KLHL35: variants seen among roughly 807,000 people sequenced by gnomAD.
KLHL35 encodes kelch like family member 35.
A neutral mutation model predicts 44.0 loss-of-function variants in KLHL35; 50 were observed. That is an observed-to-expected ratio of 1.14 (90% confidence interval 0.91 to 1.44). The LOEUF (loss-of-function observed/expected upper bound fraction) is 1.44. Among genes scored for constraint, KLHL35 ranks in the 40% most tolerant of loss-of-function variants. The pLI, the probability that KLHL35 is intolerant of heterozygous loss-of-function variation, is 0.00. For missense variants in KLHL35, 1,049 were observed against 887.8 expected (o/e 1.18, Z -2.31); for synonymous variants, 470 against 410.4 (o/e 1.15, Z -1.76).
intron 2 of KLHL35, among the ~76,000 whole-genome samples, chr11:75,429,542 AGT>A (rs1260457118): frequency 6.6e-6 from 1 of 152,214 alleles, no homozygotes; most frequent in East Asian, 1.9e-4. Flanking sequence ...GGCCAAAGAG[AGT>A]GTGCGCAGCT....
rs536280809 is a variant in KLHL35 at position 75,422,633 on chromosome 11, G to A, written c.1699C>T (p.Arg567Cys). ...GQVEVQPSLQ[R>C]CTSSHGCVTI... is the part of the protein sequence containing the mutation. ...ACACAGCCGTGGGAGCTGGTGCAGC[G>A]CTGCAGGGATGGCTGGACCTCCACC... is the stretch of plus-strand genomic sequence containing the variant. Residue 567 changes from arginine (R) to cysteine (C), a missense_variant, in exon 7 of 7, where the codon CGC becomes TGC. By Grantham distance (180) the Arg-to-Cys change is radical (BLOSUM62 -3). Transcript: ENST00000539798. 1.8e-5 allele frequency: 29 copies of A among 1,613,922 alleles called. No homozygotes were observed. Among genetic ancestry groups the A allele is most frequent in the South Asian group, 7.7e-5 (7 of 91,082 alleles).
At position 75,430,376 on chromosome 11, in the gene KLHL35, A is replaced by C. The variant is rs540633706; in HGVS notation, c.254T>G (p.Val85Gly). 112 of 1,353,964 alleles carry C rather than the reference A, an allele frequency of 8.3e-5. 2 individuals carry two copies. The South Asian group carries it at 1.2e-3, about 14-fold the overall frequency. The allele number at this position is 1,353,964 out of a possible 1,614,324, so 83.9% of individuals were successfully genotyped here. A position where few individuals can be genotyped will look rare whatever the true frequency, so the allele number is the denominator to read the frequency against. The change falls in exon 2 of 7, where the codon GTG becomes GGG. Residue 85 changes from valine to glycine, a missense_variant. Coordinates refer to ENST00000539798, the MANE Select transcript of KLHL35 (RefSeq NM_001039548.3). ...PERGPAVVPV[V>G]PVAPEAPGTS... ...GCCTGGCGCCTCGGGAGCTACTGGC[A>C]CCACTGGCACCACGGCCGGGCCGCG...
intron 3 of KLHL35, among the ~76,000 whole-genome samples, chr11:75,427,217 C>A (rs1177897388): frequency 1.3e-5 from 2 of 152,198 alleles, no homozygotes; most frequent in Admixed American, 6.5e-5. Flanking sequence ...GACTACATGG[C>A]CTTTTGTCAG....
chr11:75,426,075 C>A (rs976455588), intron 4 of KLHL35: 15 of 157,744 alleles, frequency 9.5e-5, no homozygotes, highest in Non-Finnish European at 1.5e-4. Context: ...CCTGCCTCAG[C>A]CTCCTGAGTA....
rs1332581037 is a variant in KLHL35, at chr11:75,430,261, C to T, written c.369G>A (p.Ala123=). 8.3e-7 allele frequency: 1 copy of T among 1,202,900 alleles called. No homozygotes were observed. The allele number at this position is 1,202,900 out of a possible 1,614,324, so 74.5% of individuals were successfully genotyped here. A position where few individuals can be genotyped will look rare whatever the true frequency, so the allele number is the denominator to read the frequency against. Residue 123 remains alanine (A), a synonymous_variant, in exon 2 of 7, where the codon GCG becomes GCA. Transcript: ENST00000539798. ...GCTCCGCCAGCGCCAGCACGGCCGC[C>T]GCCTCGTCCTCCGCGCGCAGCCGCA... is the stretch of plus-strand genomic sequence containing the variant. ...AGVRLRAEDE[A]AAVLALAERL...
At chr11:75,426,492 C>T (rs765712742) in intron 4 of KLHL35, 28 bp downstream of exon 4, 3 of 1,484,500 alleles carry the variant, frequency 2.0e-6, no homozygotes, top group Non-Finnish European at 1.8e-6. Context: ...CCTTGTGTCC[C>T]AGGGCAGCCG....
chr11:75,423,860 C>A lies in KLHL35; in HGVS notation c.1395G>T (p.Lys465Asn). Residue 465 changes from lysine (K) to asparagine (N), a missense_variant, in exon 6 of 7, where the codon AAG (lysine) becomes AAT (asparagine). Coordinates refer to ENST00000539798, the MANE Select transcript of KLHL35 (RefSeq NM_001039548.3). ...GTGACCGCAGGCTCCACCGGTCCTC[C>A]TTGGGGTCAAAGCACTGCACCTGAG... ...NTDKVQCFDPKEDRWSLRSPA... is the reference protein window; with the variant it reads ...NTDKVQCFDPNEDRWSLRSPA... 1 of 1,613,488 alleles carries A rather than the reference C, an allele frequency of 6.2e-7. No individual in the cohort carries two copies. Among genetic ancestry groups the A allele is most frequent in the Non-Finnish European group, 8.5e-7 (1 of 1,179,664 alleles).
At chr11:75,423,933 C>T in intron 5 of KLHL35, 53 bp from the exon 6 acceptor site, 4 of 1,373,570 alleles carry the variant, frequency 2.9e-6, no homozygotes, top group South Asian at 1.4e-5. Flanking sequence ...CCAACAAATG[C>T]CCCACCGCCC....
In KLHL35 at chr11:75,430,435, G is replaced by T; in HGVS notation, c.195C>A (p.Tyr65Ter). 5 of 1,395,472 alleles carry T rather than the reference G, an allele frequency of 3.6e-6. No homozygotes were observed. Among genetic ancestry groups the T allele is most frequent in the Non-Finnish European group, 4.6e-6 (5 of 1,075,814 alleles). 86.4% of individuals were successfully genotyped at this position (1,395,472 alleles called of 1,614,324 possible). ...GCCCGGCCGCGAACAAGCTGCGGAAGTAGGCGCTGCCCGCGCTGAGCGCCG... is the reference window on the plus strand; with the variant it reads ...GCCCGGCCGCGAACAAGCTGCGGAATTAGGCGCTGCCCGCGCTGAGCGCCG... ...HRAALSAGSA[Y>*]FRSLFAAGRP... Residue 65 changes from tyrosine (Y) to a stop codon, truncating the protein, a stop_gained, in exon 2 of 7, where the codon TAC (tyrosine) becomes TAA (stop). Transcript: ENST00000539798. LOFTEE classifies it high-confidence loss of function.
In KLHL35 at chr11:75,430,386, C is replaced by T. The variant is rs1425495775; in HGVS notation, c.244G>A (p.Val82Met). 6 of 1,365,942 alleles carry T rather than the reference C, an allele frequency of 4.4e-6. No individual in the cohort carries two copies. The African/African-American group carries it at 6.2e-5, about 14-fold the overall frequency. The allele number at this position is 1,365,942 out of a possible 1,614,324, so 84.6% of individuals were successfully genotyped here. A position where few individuals can be genotyped will look rare whatever the true frequency, so the allele number is the denominator to read the frequency against. Reference protein sequence around the residue: ...AGRPERGPAVVPVVPVAPEAP... With the variant: ...AGRPERGPAVMPVVPVAPEAP... ...TCGGGAGCTACTGGCACCACTGGCA[C>T]CACGGCCGGGCCGCGCTCGGGCCGC... is the stretch of plus-strand genomic sequence containing the variant. Residue 82 changes from valine to methionine, a missense_variant, in exon 2 of 7, where the codon GTG becomes ATG. Physicochemically the swap from Val to Met is conservative, Grantham distance 21. Coordinates refer to ENST00000539798, the MANE Select transcript of KLHL35 (RefSeq NM_001039548.3).
chr11:75,429,840 C>T lies in KLHL35; in HGVS notation c.790G>A (p.Ala264Thr). ...AGCAGCGGGCGGCACTCGCCGCAGGCCTGCAGCAGCTCGTCCGCCTCCACC... is the reference window on the plus strand; with the variant it reads ...AGCAGCGGGCGGCACTCGCCGCAGGTCTGCAGCAGCTCGTCCGCCTCCACC... ...EKVEADELLQ[A>T]CGECRPLLLE... is the part of the protein sequence containing the mutation. The change falls in exon 2 of 7, where the codon GCC becomes ACC. Residue 264 changes from alanine (A) to threonine (T), a missense_variant. Transcript: ENST00000539798. The T allele has an allele frequency of 3.3e-6, 5 of 1,512,354 alleles. No homozygotes were observed. Among genetic ancestry groups the T allele is most frequent in the Non-Finnish European group, 3.5e-6 (4 of 1,138,464 alleles). 93.7% of individuals were successfully genotyped at this position (1,512,354 alleles called of 1,614,324 possible).
At chr11:75,428,893 C>G (rs1299007174) in intron 2 of KLHL35, among the ~76,000 whole-genome samples, 1 of 152,218 alleles carries the variant, frequency 6.6e-6, no homozygotes, top group Non-Finnish European at 1.5e-5. Context: ...CTTGCCCTCA[C>G]CTAGAAAAAT....
intron 1 of KLHL35, among the ~76,000 whole-genome samples, chr11:75,431,304 C>T (rs1365028461): frequency 6.6e-6 from 1 of 152,244 alleles, no homozygotes; most frequent in Non-Finnish European, 1.5e-5. Flanking sequence ...ACACAGCTTT[C>T]GCGCAAACGA....
chr11:75,426,367 C>T (rs1433120143), intron 4 of KLHL35, 153 bp downstream of exon 4: 10 of 559,686 alleles, frequency 1.8e-5, no homozygotes, highest in South Asian at 6.7e-5. Context: ...TTATTATTAG[C>T]ATCAGCCATT....
rs940134978 is a variant in KLHL35, at chr11:75,422,471, G to A, written c.*109C>T. 1.1e-5 allele frequency: 10 copies of A among 942,298 alleles called. No homozygotes were observed. Among genetic ancestry groups the A allele is most frequent in the African/African-American group, 1.6e-5 (1 of 61,036 alleles). 58.4% of individuals were successfully genotyped at this position (942,298 alleles called of 1,614,324 possible). ...CAAGATTTTATTTATACAAGAAAAG[G>A]GACCATTAAGTTAAGGGCTGTTTGC... is the stretch of plus-strand genomic sequence containing the variant. On this transcript the variant is annotated 3_prime_UTR_variant, in exon 7 of 7. Coordinates refer to ENST00000539798, the MANE Select transcript of KLHL35 (RefSeq NM_001039548.3).
chr11:75,423,769 C>T lies in KLHL35; in HGVS notation c.1486G>A (p.Gly496Ser). 6.2e-7 allele frequency: 1 copy of T among 1,613,656 alleles called. No individual in the cohort carries two copies. The change falls in exon 6 of 7, where the codon GGT becomes AGT. Residue 496 changes from glycine to serine, a missense_variant. Coordinates refer to ENST00000539798, the MANE Select transcript of KLHL35 (RefSeq NM_001039548.3). ...SLEDTIYVMG[G>S]LMSKIFTYDP... ...TAGGTGAAGATTTTGCTCATGAGAC[C>T]CCCCATGACATAGATGGTGTCCTCA...
chr11:75,429,582 CTTG>C (rs1413556599), intron 2 of KLHL35, among the ~76,000 whole-genome samples, 164 bp downstream of exon 2: 3 of 152,240 alleles, frequency 2.0e-5, no homozygotes, highest in African/African-American at 7.2e-5. Flanking sequence ...CCCTCACTGG[CTTG>C]TTAACTCTTC....
At chr11:75,426,851 C>T (rs1948496599) in intron 3 of KLHL35, 1 of 444,078 alleles carries the variant, frequency 2.3e-6, no homozygotes. Flanking sequence ...AGGGGAGAAG[C>T]CTGACACATT....
At chr11:75,425,661 C>CT in intron 4 of KLHL35, 80 bp from the exon 5 acceptor site, 1 of 1,242,918 alleles carries the variant, frequency 8.0e-7, no homozygotes, top group Non-Finnish European at 1.1e-6. Context: ...TCCTTACAGT[C>CT]TTTGAGCTGG....
Sources: gnomAD v4.1 joint callset for allele counts (sites outside exome capture counted in the v4.1 genomes callset) on GRCh38, gnomAD v4.1.1 for gene constraint, MANE v1.5 for transcripts, NCBI Gene and HGNC (gene_info 2026-07-23, HGNC 2026-07-21) for gene names.